LRRK2: variants seen among roughly 807,000 people sequenced by gnomAD.
LRRK2 encodes the protein leucine-rich repeat serine/threonine-protein kinase 2.
A neutral mutation model predicts 302.6 loss-of-function variants in LRRK2; 203 were observed. The observed-to-expected ratio is 0.67, with a 90% CI of 0.60 to 0.75. The LOEUF is 0.75. Among genes scored for constraint, LRRK2 ranks in the 30% least tolerant of loss-of-function variants. The probability of loss-of-function intolerance (pLI) is 0.00; values close to 1 mark genes in which losing one functional copy is unlikely to be tolerated. For missense variants in LRRK2, 2,830 were observed against 2,951.0 expected, an observed-to-expected ratio of 0.96 and a Z score of 0.95; for synonymous variants, 1,066 against 1,031.9, an observed-to-expected ratio of 1.03 and a Z score of -0.63.
intron 18 of LRRK2, among the ~76,000 whole-genome samples, chr12:40,279,898 G>A (rs976070414): frequency 2.6e-5 from 4 of 152,140 alleles, no homozygotes; most frequent in Non-Finnish European, 2.9e-5. Context: ...TGAGTTTGTC[G>A]TATGTACCTT....
Position 40,362,213 on chromosome 12 carries a change from G to A in LRRK2, c.7029-1189G>A, listed in dbSNP as rs560804182. On this transcript the variant is annotated intron_variant, in intron 47 of 50. Coordinates refer to ENST00000298910, the MANE Select transcript of LRRK2 (RefSeq NM_198578.4). The stretch of plus-strand genomic sequence containing the variant: ...TATCCAAGAAGGAATTACCTAAAGC[G>A]TAGTGGCTCTCTGACAACACATCAT... Among the ~76,000 whole-genome samples, 218 of 151,954 alleles carry A rather than the reference G, an allele frequency of 1.4e-3. 1 individual carries two copies. Among genetic ancestry groups the A allele is most frequent in the African/African-American group, 4.5e-3 (187 of 41,468 alleles).
chr12:40,243,788 G>A, intron 7 of LRRK2, 107 bp downstream of exon 7: 2 of 1,079,568 alleles, frequency 1.9e-6, no homozygotes, highest in South Asian at 1.4e-5. Flanking sequence ...GACATACTTT[G>A]AATGAAAATA....
intron 6 of LRRK2, among the ~76,000 whole-genome samples, chr12:40,242,252 A>T (rs1941760922): frequency 6.6e-6 from 1 of 152,128 alleles, no homozygotes; most frequent in East Asian, 1.9e-4. Context: ...ATGTTTAAGC[A>T]TTGTAATATA....
In LRRK2 at chr12:40,277,938, G is replaced by A. The variant is rs763771318; in HGVS notation, c.1992G>A (p.Lys664=). 6.2e-7 allele frequency: 1 copy of A among 1,612,572 alleles called. No homozygotes were observed. The highest frequency in any genetic ancestry group is 2.2e-5 in the East Asian group (1 of 44,846). Residue 664 remains lysine, a synonymous_variant, in exon 17 of 51, where the codon AAG becomes AAA. Transcript: ENST00000298910. ...AILKLSASFS[K]LLVHHSFDLV... ...TCAAATTGTCAGCATCTTTTTCTAA[G>A]CTGCTGGTGCATCATTCATTTGACT...
At chr12:40,317,763 T>A (rs1945269221) in intron 33 of LRRK2, among the ~76,000 whole-genome samples, 1 of 152,078 alleles carries the variant, frequency 6.6e-6, no homozygotes, top group South Asian at 2.1e-4. Flanking sequence ...GTTGAAGGAA[T>A]GTTAGGAGCT....
chr12:40,305,248 G>C (rs1398724385), intron 27 of LRRK2, among the ~76,000 whole-genome samples: 2 of 152,120 alleles, frequency 1.3e-5, no homozygotes, highest in Admixed American at 1.3e-4. Context: ...TTTGCTACCT[G>C]ATTTTTTGCC....
intron 18 of LRRK2, among the ~76,000 whole-genome samples, chr12:40,282,426 G>A (rs1357653939): frequency 1.3e-5 from 2 of 152,024 alleles, no homozygotes; most frequent in African/African-American, 4.8e-5. Context: ...GATGGGAGCC[G>A]GGAGGAGAAA....
rs748661595 is a variant in LRRK2, at chr12:40,351,568, AGTCT to A, written c.6417_6420del (p.Cys2139Ter). On this transcript the variant is annotated frameshift_variant, in exon 44 of 51. Transcript: ENST00000298910. LOFTEE classifies it high-confidence loss of function. ...TTGACATTTTGAATTCAGCTGAATT[AGTCT>A]GTCTGACGAGACGCATTTTATTACC... 6.2e-7 allele frequency: 1 copy of A among 1,614,218 alleles called. No homozygotes were observed. The highest frequency in any genetic ancestry group is 8.5e-7 in the Non-Finnish European group (1 of 1,180,038).
chr12:40,294,733 C>G, intron 21 of LRRK2, 112 bp from the exon 22 acceptor site: 1 of 591,290 alleles, frequency 1.7e-6, no homozygotes, highest in Non-Finnish European at 2.9e-6. Flanking sequence ...CTATTTTTTC[C>G]CATAATTATA....
At chr12:40,303,920 T>C in intron 26 of LRRK2, 28 bp from the exon 27 acceptor site, 1 of 1,607,514 alleles carries the variant, frequency 6.2e-7, no homozygotes, top group South Asian at 1.1e-5. Context: ...ACTCATTTGG[T>C]TTATGTCTTT....
intron 20 of LRRK2, among the ~76,000 whole-genome samples, chr12:40,293,175 C>T (rs1171164634): frequency 6.6e-6 from 1 of 152,044 alleles, no homozygotes; most frequent in Admixed American, 6.6e-5. Flanking sequence ...TTTCTGCACA[C>T]ACATATATTT....
chr12:40,299,298 A>G (rs1455759000), intron 25 of LRRK2, 41 bp downstream of exon 25: 1 of 1,607,612 alleles, frequency 6.2e-7, no homozygotes. Flanking sequence ...CAGGCCCTCT[A>G]AGTTGTACAA....
chr12:40,308,482 A>G lies in LRRK2; in HGVS notation c.3975A>G (p.Arg1325=), dbSNP rs1312041212. Residue 1325 remains arginine, a synonymous_variant, in exon 29 of 51, where the codon CGA becomes CGG. Coordinates refer to ENST00000298910, the MANE Select transcript of LRRK2 (RefSeq NM_198578.4). ...CAAATACTAGGTTTCTTCAACAGCG[A>G]TTAAAAAAGGCTGTGCCTTATAACC... is the stretch of plus-strand genomic sequence containing the variant. ...AKDIIRFLQQ[R]LKKAVPYNRM... 1 of 1,613,574 alleles carries G rather than the reference A, an allele frequency of 6.2e-7. No homozygotes were observed. Among genetic ancestry groups the G allele is most frequent in the Admixed American group, 1.7e-5 (1 of 59,974 alleles).
rs1453352460 is a variant in LRRK2, at chr12:40,368,384, G to GA, written c.*625dup. The GA allele has an allele frequency of 6.6e-6, 1 of 151,856 alleles. No individual in the cohort carries two copies. Among genetic ancestry groups the GA allele is most frequent in the South Asian group, 2.1e-4 (1 of 4,826 alleles). 9.4% of individuals were successfully genotyped at this position (151,856 alleles called of 1,614,324 possible). The stretch of plus-strand genomic sequence containing the variant: ...AGAAAACTCCATTAAAAGTACTAAT[G>GA]AAAAAACATGACATACTGTCAAAGT... On this transcript the variant is annotated 3_prime_UTR_variant, in exon 51 of 51. Transcript: ENST00000298910.
chr12:40,354,844 AT>A (rs1375597154), intron 45 of LRRK2, among the ~76,000 whole-genome samples: 1,790 of 9,320 alleles, frequency 0.19, 39 homozygotes, highest in African/African-American at 0.26. Flanking sequence ...AAAAAAAAAA[AT>A]ATATATATAT....
Position 40,314,139 on chromosome 12 carries a change from G to A in LRRK2, c.4704G>A (p.Glu1568=). 2 of 1,612,568 alleles carry A rather than the reference G, an allele frequency of 1.2e-6. No homozygotes were observed. The highest frequency in any genetic ancestry group is 1.7e-5 in the Admixed American group (1 of 59,902). The part of the protein sequence containing the change: ...RENQLQLDEN[E]LPHAVHFLNE... ...ATCAGCTGCAGTTAGATGAAAATGAGCTTCCTCACGCAGTTCACTTTCTAA... is the reference window on the plus strand; with the variant it reads ...ATCAGCTGCAGTTAGATGAAAATGAACTTCCTCACGCAGTTCACTTTCTAA... Residue 1568 remains glutamate, a synonymous_variant, in exon 32 of 51, where the codon GAG becomes GAA. Coordinates refer to ENST00000298910, the MANE Select transcript of LRRK2 (RefSeq NM_198578.4).
chr12:40,285,925 C>T (rs1943909539), intron 19 of LRRK2, among the ~76,000 whole-genome samples: 1 of 151,950 alleles, frequency 6.6e-6, no homozygotes, highest in Admixed American at 6.6e-5. Context: ...AATGGGTTCC[C>T]TGGTTGTCTC....
rs558542847 is a variant in LRRK2, at chr12:40,351,827, A to T, written c.6576+94A>T. On this transcript the variant is annotated intron_variant, in intron 44 of 50. Transcript: ENST00000298910. ...TAAATTAAATAAGAGCCAATGTAGG[A>T]TTATTATTCAATTAGCCTTCTGTTA... The T allele has an allele frequency of 1.9e-5, 24 of 1,240,524 alleles. No homozygotes were observed. The Admixed American group carries it at 2.7e-4, about 14-fold the overall frequency. 76.8% of individuals were successfully genotyped at this position (1,240,524 alleles called of 1,614,324 possible).
chr12:40,249,661 C>T (rs942089508), intron 7 of LRRK2, among the ~76,000 whole-genome samples, 165 bp from the exon 8 acceptor site: 4 of 152,060 alleles, frequency 2.6e-5, no homozygotes, highest in African/African-American at 7.2e-5. Context: ...AATAAAATTT[C>T]AAAACTTTAC....
Sources: allele counts gnomAD v4.1 joint callset (sites outside exome capture counted in the v4.1 genomes callset), GRCh38; gene constraint gnomAD v4.1.1; transcripts MANE v1.5; gene names NCBI Gene and HGNC (gene_info 2026-07-23, HGNC 2026-07-21).